Variants in DLGAP2 observed in about 807,000 individuals in gnomAD.
The protein encoded by DLGAP2 is DLG associated protein 2.
In DLGAP2, 26 loss-of-function variants were observed where a neutral mutation model predicts 100.3. The observed-to-expected ratio is 0.26, with a 90% CI of 0.19 to 0.36. The LOEUF (loss-of-function observed/expected upper bound fraction) is 0.36. Among genes scored for constraint, DLGAP2 ranks in the 10% least tolerant of loss-of-function variants. DLGAP2 has a pLI of 1.00. For synonymous variants in DLGAP2, 886 were observed against 630.1 expected (o/e 1.41, Z -6.08); for missense variants, 1,858 against 1,453.2 (o/e 1.28, Z -4.53).
At chr8:1,386,833 G>A (rs1796231866) in intron 3 of DLGAP2, among the ~76,000 whole-genome samples, 1 of 151,594 alleles carries the variant, frequency 6.6e-6, no homozygotes, top group Non-Finnish European at 1.5e-5. Flanking sequence ...CATATTGATG[G>A]AAAAAAAATG....
At chr8:1,327,028 A>G (rs1468434496) in intron 3 of DLGAP2, among the ~76,000 whole-genome samples, 3 of 152,250 alleles carry the variant, frequency 2.0e-5, no homozygotes, top group African/African-American at 7.2e-5. Context: ...GTGATTCTGA[A>G]GCAAATGTTT....
intron 2 of DLGAP2, among the ~76,000 whole-genome samples, chr8:915,966 C>T (rs1798584242): frequency 6.6e-6 from 1 of 151,084 alleles, no homozygotes; most frequent in African/African-American, 2.4e-5. Flanking sequence ...CGTCAGTTCA[C>T]CCGTCCGTCC....
Position 907,204 on chromosome 8 carries a change from A to G in DLGAP2, c.19-708A>G, listed in dbSNP as rs552050482. On this transcript the variant is annotated intron_variant, in intron 1 of 14. Coordinates refer to ENST00000637795, the MANE Select transcript of DLGAP2 (RefSeq NM_001346810.2). The stretch of plus-strand genomic sequence containing the variant: ...CATGGAGGGTTGAGGAATGGCTGCA[A>G]GTTCATCGTGTGGAGTATTTAGGAT... Among the ~76,000 whole-genome samples, 110 of 152,352 alleles carry G rather than the reference A, an allele frequency of 7.2e-4. 2 individuals are homozygous for G. In the South Asian group the frequency reaches 0.011, roughly 16 times the overall value.
chr8:1,560,387 A>G (rs1293232984), intron 5 of DLGAP2, among the ~76,000 whole-genome samples: 1 of 152,220 alleles, frequency 6.6e-6, no homozygotes, highest in African/African-American at 2.4e-5. Flanking sequence ...TCATCGCTAA[A>G]TACACATTCT....
chr8:1,494,052 A>T (rs1799472948), intron 3 of DLGAP2, among the ~76,000 whole-genome samples: 1 of 151,948 alleles, frequency 6.6e-6, no homozygotes, highest in East Asian at 1.9e-4. Context: ...CGGGGGGGGC[A>T]GTAGGATGAA....
intron 2 of DLGAP2, among the ~76,000 whole-genome samples, chr8:1,047,103 T>C (rs1182984644): frequency 6.6e-6 from 1 of 152,220 alleles, no homozygotes; most frequent in Admixed American, 6.5e-5. Context: ...ATATTTCTTA[T>C]CCCCATAAGA....
chr8:1,462,902 G>A (rs1798500973), intron 3 of DLGAP2, among the ~76,000 whole-genome samples: 1 of 152,232 alleles, frequency 6.6e-6, no homozygotes, highest in Non-Finnish European at 1.5e-5. Context: ...CCAGCAAATG[G>A]CTCAAACACA....
intron 6 of DLGAP2, among the ~76,000 whole-genome samples, chr8:1,607,891 GC>G (rs1796858963): frequency 6.9e-6 from 1 of 145,734 alleles, no homozygotes; most frequent in Non-Finnish European, 1.5e-5. Flanking sequence ...AGGGTCCTAC[GC>G]CCACGGAATC....
At chr8:946,359 G>T (rs1563107635) in intron 2 of DLGAP2, among the ~76,000 whole-genome samples, 1 of 151,844 alleles carries the variant, frequency 6.6e-6, no homozygotes, top group Non-Finnish European at 1.5e-5. Context: ...CGCCTCCCGG[G>T]TTCACACCAT....
At chr8:1,387,172 C>T (rs907015368) in intron 3 of DLGAP2, among the ~76,000 whole-genome samples, 7 of 152,018 alleles carry the variant, frequency 4.6e-5, no homozygotes, top group African/African-American at 1.7e-4. Flanking sequence ...AGAAAACAGC[C>T]GGAGGAGGTG....
intron 1 of DLGAP2, among the ~76,000 whole-genome samples, chr8:886,338 G>A (rs35363145): frequency 0.01 from 1,555 of 151,960 alleles, 20 homozygotes; most frequent in Non-Finnish European, 0.016. Flanking sequence ...TGGATTTGTT[G>A]ATTTTTTTCG....
At chr8:752,951 A>T (rs1820829303) in intron 1 of DLGAP2, among the ~76,000 whole-genome samples, 1 of 152,198 alleles carries the variant, frequency 6.6e-6, no homozygotes, top group Non-Finnish European at 1.5e-5. Context: ...CCCAATTATT[A>T]TCATGTGAAA....
intron 3 of DLGAP2, among the ~76,000 whole-genome samples, chr8:1,414,153 G>C (rs1196349667): frequency 6.6e-6 from 1 of 152,176 alleles, no homozygotes; most frequent in Non-Finnish European, 1.5e-5. Context: ...TCAGGGTTGG[G>C]GGGAGTTGTC....
intron 6 of DLGAP2, among the ~76,000 whole-genome samples, chr8:1,587,664 G>T (rs1356248662): frequency 6.6e-6 from 1 of 152,126 alleles, no homozygotes; most frequent in Non-Finnish European, 1.5e-5. Context: ...TGAAATGAAG[G>T]AGAGATAGGG....
At chr8:1,429,037 C>T (rs191573927) in intron 3 of DLGAP2, among the ~76,000 whole-genome samples, 2 of 152,322 alleles carry the variant, frequency 1.3e-5, no homozygotes, top group Non-Finnish European at 1.5e-5. Flanking sequence ...AATTGGGCAG[C>T]ACCAGACTGC....
At chr8:1,441,885 A>G (rs1015201714) in intron 3 of DLGAP2, among the ~76,000 whole-genome samples, 1 of 151,698 alleles carries the variant, frequency 6.6e-6, no homozygotes, top group African/African-American at 2.4e-5. Context: ...GGGTTGCTGC[A>G]CCTATCAATG....
intron 3 of DLGAP2, among the ~76,000 whole-genome samples, chr8:1,311,639 C>A (rs1800616249): frequency 6.6e-6 from 1 of 151,918 alleles, no homozygotes; most frequent in African/African-American, 2.4e-5. Context: ...AATTAATTAA[C>A]ACTACCTGCA....
intron 3 of DLGAP2, among the ~76,000 whole-genome samples, chr8:1,281,896 C>A (rs1178432952): frequency 6.6e-6 from 1 of 152,226 alleles, no homozygotes; most frequent in African/African-American, 2.4e-5. Context: ...CAAACCACAG[C>A]CAGAGGGTCA....
intron 3 of DLGAP2, among the ~76,000 whole-genome samples, chr8:1,333,345 T>C (rs1801201033): frequency 6.6e-6 from 1 of 152,080 alleles, no homozygotes; most frequent in South Asian, 2.1e-4. Context: ...CTGTCTCCCT[T>C]CCCTGGGGAG....
Sources: allele counts gnomAD v4.1 joint callset (sites outside exome capture counted in the v4.1 genomes callset), GRCh38; gene constraint gnomAD v4.1.1; transcripts MANE v1.5; gene names NCBI Gene and HGNC (gene_info 2026-07-23, HGNC 2026-07-21).